CASK: variants seen among roughly 807,000 people sequenced by gnomAD.
CASK encodes the protein calcium/calmodulin dependent serine protein kinase, also known as peripheral plasma membrane protein CASK.
In CASK, 4 loss-of-function variants were observed where a neutral mutation model predicts 82.9. That is an observed-to-expected ratio of 0.05 (90% CI 0.02 to 0.11). The LOEUF is 0.11. Ranked by LOEUF, CASK falls within the 10% of genes least tolerant of loss-of-function variation. The pLI is 1.00. For synonymous variants in CASK, 259 were observed against 253.5 expected, an observed-to-expected ratio of 1.02 and a Z score of -0.20; for missense variants, 358 against 720.9, an observed-to-expected ratio of 0.50 and a Z score of 5.76.
At chrX:41,817,362 G>A (rs1203856811) in intron 2 of CASK, among the ~76,000 whole-genome samples, 1 of 111,778 alleles carries the variant, frequency 8.9e-6, no homozygotes, top group Non-Finnish European at 1.9e-5. Context: ...GAGACATCTA[G>A]CCAGTCAGTG....
intron 3 of CASK, among the ~76,000 whole-genome samples, chrX:41,748,853 A>G (rs1357482386): frequency 8.9e-6 from 1 of 112,166 alleles, no homozygotes; most frequent in African/African-American, 3.2e-5. Flanking sequence ...GCAAGGATCA[A>G]TCCATTTTGT....
At position 41,518,289 on chromosome X, in the gene CASK, C is replaced by T; in HGVS notation, c.*2131G>A. ...ACCAGAAAAGAGGTAGAGTGCGCAC[C>T]TTCACACTAAGAGCCCGAAATTGTG... On this transcript the variant is annotated 3_prime_UTR_variant, in exon 27 of 27. Coordinates refer to ENST00000378163, the MANE Select transcript of CASK (RefSeq NM_001367721.1). The T allele has an allele frequency of 8.4e-6, 1 of 119,154 alleles. No individual in the cohort carries two copies. Among genetic ancestry groups the T allele is most frequent in the South Asian group, 3.1e-4 (1 of 3,226 alleles). 9.8% of individuals were successfully genotyped at this position (119,154 alleles called of 1,213,427 possible). A position where few individuals can be genotyped will look rare whatever the true frequency, so the allele number is the denominator to read the frequency against.
intron 2 of CASK, among the ~76,000 whole-genome samples, chrX:41,833,758 CT>C (rs1358023763): frequency 9.0e-6 from 1 of 110,767 alleles, no homozygotes; most frequent in African/African-American, 3.3e-5. Context: ...AAAAATTATG[CT>C]TTTTTTTGAG....
At chrX:41,730,468 T>C (rs930059542) in intron 5 of CASK, among the ~76,000 whole-genome samples, 1 of 112,040 alleles carries the variant, frequency 8.9e-6, no homozygotes, top group African/African-American at 3.2e-5. Flanking sequence ...TCTGAACACA[T>C]TCTGGCTTCA....
intron 16 of CASK, among the ~76,000 whole-genome samples, chrX:41,563,062 A>AG (rs2065254406): frequency 9.8e-6 from 1 of 102,160 alleles, no homozygotes. Context: ...AAAAAAAAAA[A>AG]AAAGAAAAGA....
At chrX:41,673,406 C>T (rs1280225652) in intron 5 of CASK, among the ~76,000 whole-genome samples, 2 of 111,948 alleles carry the variant, frequency 1.8e-5, no homozygotes, top group East Asian at 5.6e-4. Context: ...AGGCATGAGC[C>T]ACTGTGCCTG....
At chrX:41,838,103 T>C (rs1018327643) in intron 2 of CASK, among the ~76,000 whole-genome samples, 1 of 111,929 alleles carries the variant, frequency 8.9e-6, no homozygotes, top group African/African-American at 3.3e-5. Flanking sequence ...TCCTCCCGCT[T>C]CAGCCTGTGA....
rs2064529699 is a variant in CASK at position 41,515,347 on chromosome X, A to G, written c.*5073T>C. ...CTGCTGTACCCTGCAAATACTTACA[A>G]TTGGATACGGTGAAATATACAACAA... On this transcript the variant is annotated 3_prime_UTR_variant, in exon 27 of 27. Coordinates refer to ENST00000378163, the MANE Select transcript of CASK (RefSeq NM_001367721.1). 8.9e-6 allele frequency: 1 copy of G among 112,616 alleles called. No homozygotes were observed. The highest frequency in any genetic ancestry group is 9.4e-5 in the Admixed American group (1 of 10,628). The allele number at this position is 112,616 out of a possible 1,213,427, so 9.3% of individuals were successfully genotyped here.
chrX:41,538,917 A>T (rs2064911456), intron 22 of CASK, among the ~76,000 whole-genome samples: 1 of 111,721 alleles, frequency 9.0e-6, no homozygotes, highest in South Asian at 3.8e-4. Context: ...GTGCAAAAAC[A>T]GGGAGTGGTG....
chrX:41,884,196 A>G (rs1002332399), intron 1 of CASK, among the ~76,000 whole-genome samples: 1 of 111,948 alleles, frequency 8.9e-6, no homozygotes, highest in East Asian at 2.8e-4. Flanking sequence ...TTCCTGCCCA[A>G]TAGGATCTGT....
chrX:41,711,587 C>T (rs1408736022), intron 5 of CASK, among the ~76,000 whole-genome samples: 1 of 111,008 alleles, frequency 9.0e-6, no homozygotes, highest in East Asian at 2.8e-4. Flanking sequence ...CCGGGTAAAT[C>T]CATGGACTGG....
At chrX:41,843,347 G>C (rs5964059) in intron 2 of CASK, among the ~76,000 whole-genome samples, 1,154 of 111,367 alleles carry the variant, frequency 0.01, 14 homozygotes, top group African/African-American at 0.035. Flanking sequence ...TCTATTTGTA[G>C]GTTGTTGAGT....
At position 41,918,873 on chromosome X, in the gene CASK, T is replaced by C. The variant is rs1047235158; in HGVS notation, c.59+4057A>G. 3.6e-5 allele frequency among the ~76,000 whole-genome samples: 4 copies of C among 112,143 alleles called. No individual in the cohort carries two copies. The Admixed American group carries it at 3.8e-4, about 11-fold the overall frequency. ...AATCACACAGAGAGCTTTAAAAAAA[T>C]GTCAGTGACCAGGACCCAGTCCCAG... On this transcript the variant is annotated intron_variant, in intron 1 of 26. Transcript: ENST00000378163.
intron 3 of CASK, among the ~76,000 whole-genome samples, chrX:41,783,148 AAAC>A (rs1324438804): frequency 7.2e-5 from 8 of 111,825 alleles, no homozygotes; most frequent in African/African-American, 2.6e-4. Flanking sequence ...TTAAAAACAA[AAAC>A]AACAACAACA....
chrX:41,645,027 T>G (rs953432877), intron 8 of CASK, among the ~76,000 whole-genome samples: 5 of 111,516 alleles, frequency 4.5e-5, no homozygotes, highest in African/African-American at 1.6e-4. Flanking sequence ...TGCCTTGTAA[T>G]ATTCTATTAC....
chrX:41,652,765 C>T (rs979442535), intron 8 of CASK, among the ~76,000 whole-genome samples: 2 of 112,077 alleles, frequency 1.8e-5, no homozygotes, highest in East Asian at 5.6e-4. Context: ...TCCCACTTCA[C>T]CCCTATACCT....
At chrX:41,635,106 T>C (rs980448799) in intron 9 of CASK, among the ~76,000 whole-genome samples, 3 of 112,180 alleles carry the variant, frequency 2.7e-5, no homozygotes, top group Non-Finnish European at 5.6e-5. Context: ...CTGTCTAATA[T>C]AGTAGCCACT....
rs144711206 is a variant in CASK, at chrX:41,905,367, T to G, written c.59+17563A>C. 3.5e-3 allele frequency among the ~76,000 whole-genome samples: 397 copies of G among 112,181 alleles called. 3 individuals are homozygous for G. The highest frequency in any genetic ancestry group is 0.011 in the African/African-American group (344 of 30,891). On this transcript the variant is annotated intron_variant, in intron 1 of 26. Coordinates refer to ENST00000378163, the MANE Select transcript of CASK (RefSeq NM_001367721.1). ...TACATTCCCACCAACGTACGAGAGA[T>G]CCAATTTCTCCACATCCCTGCCAAC...
intron 8 of CASK, among the ~76,000 whole-genome samples, chrX:41,652,567 T>C (rs200703107): frequency 6.4e-5 from 7 of 109,917 alleles, no homozygotes; most frequent in African/African-American, 2.3e-4. Context: ...GATGAGAGGG[T>C]TGGGACTTTT....
Sources: gnomAD v4.1 joint callset for allele counts (sites outside exome capture counted in the v4.1 genomes callset) on GRCh38, gnomAD v4.1.1 for gene constraint, MANE v1.5 for transcripts, NCBI Gene and HGNC (gene_info 2026-07-23, HGNC 2026-07-21) for gene names.